The following MCTP2 variants were observed in gnomAD, a reference collection of about 807,000 sequenced individuals.
MCTP2 encodes multiple C2 and transmembrane domain containing 2, also known as multiple C2 and transmembrane domain-containing protein 2.
MCTP2 carries 132 observed loss-of-function variants against 111.6 expected under a neutral mutation model. The observed-to-expected ratio is 1.18, with a 90% CI of 1.03 to 1.37. The LOEUF (loss-of-function observed/expected upper bound fraction) is 1.37, where lower values mean the gene tolerates loss of function less well. MCTP2 is among the 40% of genes most tolerant of loss of function. The pLI, the probability that MCTP2 is intolerant of heterozygous loss-of-function variation, is 0.00. For synonymous variants in MCTP2, 395 were observed against 387.7 expected, an observed-to-expected ratio of 1.02 and a Z score of -0.22; for missense variants, 1,183 against 1,067.9, an observed-to-expected ratio of 1.11 and a Z score of -1.50.
At chr15:94,379,063 G>GTTTT (rs964287445) in intron 12 of MCTP2, among the ~76,000 whole-genome samples, 91 of 150,980 alleles carry the variant, frequency 6.0e-4, no homozygotes, top group African/African-American at 2.2e-3. Flanking sequence ...TTAGTTTTTT[G>GTTTT]TTTTTTGTTT....
At chr15:94,304,848 C>T (rs528585395) in intron 2 of MCTP2, among the ~76,000 whole-genome samples, 59 of 152,232 alleles carry the variant, frequency 3.9e-4, no homozygotes, top group African/African-American at 1.2e-3. Flanking sequence ...TTTTAAAGTC[C>T]CTCCTTCTGA....
chr15:94,282,592 A>C (rs1005649037), intron 1 of MCTP2, among the ~76,000 whole-genome samples: 1 of 152,208 alleles, frequency 6.6e-6, no homozygotes, highest in Non-Finnish European at 1.5e-5. Context: ...TAGTGTGGTC[A>C]TTTGGAGGTC....
chr15:94,360,747 G>A (rs1282450662), intron 10 of MCTP2, among the ~76,000 whole-genome samples: 1 of 151,056 alleles, frequency 6.6e-6, no homozygotes, highest in African/African-American at 2.4e-5. Flanking sequence ...TCCATGTTTT[G>A]TCATTTGGGT....
intron 1 of MCTP2, among the ~76,000 whole-genome samples, chr15:94,245,981 C>T (rs910538719): frequency 6.6e-6 from 1 of 151,940 alleles, no homozygotes; most frequent in African/African-American, 2.4e-5. Flanking sequence ...CTCTTCGGAG[C>T]AGAGAGGATT....
chr15:94,254,198 A>G lies in MCTP2; in HGVS notation c.-66+22534A>G, dbSNP rs184410820. 1.4e-3 allele frequency among the ~76,000 whole-genome samples: 220 copies of G among 152,208 alleles called. 1 individual carries two copies. The highest frequency in any genetic ancestry group is 5.2e-3 in the African/African-American group (217 of 41,506). On this transcript the variant is annotated intron_variant, in intron 1 of 22. Transcript: ENST00000357742. ...CTGATCAGCCTTTGTAATTTTCTTTACCATTTCCCATTGTGATGCACTAAT... is the reference window on the plus strand; with the variant it reads ...CTGATCAGCCTTTGTAATTTTCTTTGCCATTTCCCATTGTGATGCACTAAT...
Position 94,340,860 on chromosome 15 carries a change from A to T in MCTP2, c.905A>T (p.Asp302Val), listed in dbSNP as rs1473377646. Residue 302 changes from aspartate to valine, a missense_variant, in exon 7 of 23, where the codon GAT (aspartate) becomes GTT (valine). Coordinates refer to ENST00000357742, the MANE Select transcript of MCTP2 (RefSeq NM_001385001.1). ...LKLEDPNSLEDDMGVIVLNLN... is the reference protein window; with the variant it reads ...LKLEDPNSLEVDMGVIVLNLN... The stretch of plus-strand genomic sequence containing the variant: ...CTGGAAGATCCAAACAGTTTAGAAG[A>T]TGACATGGGAGTGATCGTGTTAAAT... The T allele has an allele frequency of 6.2e-7, 1 of 1,613,178 alleles. No individual in the cohort carries two copies. Among genetic ancestry groups the T allele is most frequent in the Non-Finnish European group, 8.5e-7 (1 of 1,179,408 alleles).
intron 19 of MCTP2, among the ~76,000 whole-genome samples, chr15:94,451,534 A>G (rs574301368): frequency 6.6e-6 from 1 of 152,204 alleles, no homozygotes; most frequent in Non-Finnish European, 1.5e-5. Context: ...GGCCTTCACT[A>G]TTTTTATTAC....
At chr15:94,464,554 A>T (rs1296272550) in intron 20 of MCTP2, among the ~76,000 whole-genome samples, 2 of 151,422 alleles carry the variant, frequency 1.3e-5, no homozygotes, top group African/African-American at 4.8e-5. Context: ...TTGTTTGTTC[A>T]TTAGTTACTA....
At chr15:94,456,993 C>A (rs2084875864) in intron 19 of MCTP2, among the ~76,000 whole-genome samples, 1 of 152,194 alleles carries the variant, frequency 6.6e-6, no homozygotes, top group South Asian at 2.1e-4. Flanking sequence ...ACAAAGGATA[C>A]AAGAGGAAAA....
chr15:94,357,764 T>C (rs2078710440), intron 9 of MCTP2, among the ~76,000 whole-genome samples: 2 of 152,218 alleles, frequency 1.3e-5, no homozygotes, highest in Admixed American at 6.5e-5. Flanking sequence ...GGACCAACAT[T>C]CTTGCTCACT....
chr15:94,451,947 C>G (rs1044382428), intron 19 of MCTP2, among the ~76,000 whole-genome samples: 1 of 152,158 alleles, frequency 6.6e-6, no homozygotes, highest in Non-Finnish European at 1.5e-5. Context: ...ATGCTAGGTA[C>G]TTTACATATG....
chr15:94,361,400 C>T (rs2078935946), intron 10 of MCTP2, among the ~76,000 whole-genome samples: 2 of 152,132 alleles, frequency 1.3e-5, no homozygotes, highest in Non-Finnish European at 2.9e-5. Context: ...GTCACACATC[C>T]TGAGCTTGCT....
chr15:94,232,078 G>C (rs191870435), intron 1 of MCTP2: 6 of 152,266 alleles, frequency 3.9e-5, no homozygotes, highest in Non-Finnish European at 7.3e-5. Flanking sequence ...TTAATTCTTT[G>C]CGCTGACATT....
At chr15:94,278,126 T>C (rs147472256) in intron 1 of MCTP2, 3 of 152,256 alleles carry the variant, frequency 2.0e-5, no homozygotes, top group African/African-American at 7.2e-5. Flanking sequence ...CCAATCAGAA[T>C]GTCTTCTGCT....
intron 21 of MCTP2, among the ~76,000 whole-genome samples, chr15:94,472,026 TTCC>T (rs897781070): frequency 2.0e-5 from 3 of 152,216 alleles, no homozygotes; most frequent in Non-Finnish European, 4.4e-5. Context: ...TCTTCTGGAC[TTCC>T]TCATCATCCT....
At chr15:94,345,605 T>C (rs1596420369) in intron 8 of MCTP2, among the ~76,000 whole-genome samples, 1 of 152,338 alleles carries the variant, frequency 6.6e-6, no homozygotes, top group South Asian at 2.1e-4. Flanking sequence ...TTTGGTAAAA[T>C]TTCCTTTAAA....
intron 8 of MCTP2, among the ~76,000 whole-genome samples, chr15:94,353,907 A>G (rs1484101639): frequency 1.3e-5 from 2 of 152,238 alleles, no homozygotes; most frequent in African/African-American, 4.8e-5. Context: ...AGATACATCT[A>G]TTTATATATT....
intron 2 of MCTP2, among the ~76,000 whole-genome samples, chr15:94,308,632 A>T (rs1225412229): frequency 2.0e-5 from 3 of 152,260 alleles, no homozygotes; most frequent in Admixed American, 6.5e-5. Flanking sequence ...GTTAATAAAC[A>T]TGCAAAAAAC....
intron 1 of MCTP2, among the ~76,000 whole-genome samples, chr15:94,257,556 C>CTTT: frequency 1.3e-5 from 1 of 75,650 alleles, no homozygotes; most frequent in Non-Finnish European, 2.7e-5. Flanking sequence ...TATTTGTTGT[C>CTTT]ATTTTCTTTG....
Sources: gnomAD v4.1 joint callset for allele counts (sites outside exome capture counted in the v4.1 genomes callset) on GRCh38, gnomAD v4.1.1 for gene constraint, MANE v1.5 for transcripts, NCBI Gene and HGNC (gene_info 2026-07-23, HGNC 2026-07-21) for gene names.